Variants in SLCO6A1 observed in about 807,000 individuals in gnomAD.
SLCO6A1 encodes the protein cancer/testis antigen 48.
SLCO6A1 carries 65 observed loss-of-function variants against 72.7 expected under a neutral mutation model. The ratio of observed to expected loss-of-function variants is 0.89; its 90% CI spans 0.73 to 1.10. The LOEUF is 1.10. Ranked by LOEUF, SLCO6A1 falls within the 50% of genes least tolerant of loss-of-function variation. The pLI, the probability that SLCO6A1 is intolerant of heterozygous loss-of-function variation, is 0.00. For synonymous variants in SLCO6A1, 314 were observed against 298.2 expected, an observed-to-expected ratio of 1.05 and a Z score of -0.55; for missense variants, 874 against 872.6, an observed-to-expected ratio of 1.00 and a Z score of -0.02.
intron 4 of SLCO6A1, among the ~76,000 whole-genome samples, chr5:102,463,723 C>T (rs942392620): frequency 6.6e-6 from 1 of 151,848 alleles, no homozygotes; most frequent in Non-Finnish European, 1.5e-5. Flanking sequence ...CCCATCTCTA[C>T]TGAAAACACA....
At chr5:102,456,400 C>G (rs1331778261) in intron 6 of SLCO6A1, among the ~76,000 whole-genome samples, 1 of 152,298 alleles carries the variant, frequency 6.6e-6, no homozygotes, top group African/African-American at 2.4e-5. Context: ...TAAGCAACTT[C>G]AGCAAAGTCT....
chr5:102,474,547 C>T (rs1410429912), intron 4 of SLCO6A1, among the ~76,000 whole-genome samples: 1 of 151,936 alleles, frequency 6.6e-6, no homozygotes, highest in Non-Finnish European at 1.5e-5. Context: ...ACCAAAAGCC[C>T]AGGCAGCAAA....
In SLCO6A1 at chr5:102,372,045, T is replaced by A. The variant is rs571827482; in HGVS notation, c.*94A>T. 6.6e-6 allele frequency: 1 copy of A among 152,154 alleles called. No individual in the cohort carries two copies. The highest frequency in any genetic ancestry group is 2.1e-4 in the South Asian group (1 of 4,826). The allele number at this position is 152,154 out of a possible 1,614,324, so 9.4% of individuals were successfully genotyped here. On this transcript the variant is annotated 3_prime_UTR_variant, in exon 14 of 14. Coordinates refer to ENST00000506729, the MANE Select transcript of SLCO6A1 (RefSeq NM_173488.5). ...TGTGTGATTTTCCTCTTCTGAAAGT[T>A]GGGCACAGAAACAAATCTTGGAGAA...
intron 4 of SLCO6A1, among the ~76,000 whole-genome samples, 189 bp from the exon 5 acceptor site, chr5:102,459,966 A>C (rs540615587): frequency 6.6e-6 from 1 of 152,090 alleles, no homozygotes; most frequent in African/African-American, 2.4e-5. Flanking sequence ...TGAGTCCCCA[A>C]TTATGTGCTT....
intron 3 of SLCO6A1, among the ~76,000 whole-genome samples, chr5:102,476,346 GC>G (rs2112816176): frequency 6.6e-6 from 1 of 152,288 alleles, no homozygotes; most frequent in Non-Finnish European, 1.5e-5. Context: ...TGTAGGGCAG[GC>G]CAGCAGGCTG....
rs555358804 is a variant in SLCO6A1 at position 102,373,567 on chromosome 5, A to G, written c.2018-73T>C. The G allele has an allele frequency of 1.5e-4, 163 of 1,113,088 alleles. No homozygotes were observed. The South Asian group carries it at 4.3e-3, about 29-fold the overall frequency. The allele number at this position is 1,113,088 out of a possible 1,614,324, so 69.0% of individuals were successfully genotyped here. Reference sequence around the variant, plus strand: ...AAAAATGTAGGCAAAAATGCTATTTACCAAAGAAAGGTAAGCATATTTCAC... The same window carrying G: ...AAAAATGTAGGCAAAAATGCTATTTGCCAAAGAAAGGTAAGCATATTTCAC... On this transcript the variant is annotated intron_variant, in intron 12 of 13. Coordinates refer to ENST00000506729, the MANE Select transcript of SLCO6A1 (RefSeq NM_173488.5).
At chr5:102,375,694 G>T (rs62369304) in intron 12 of SLCO6A1, among the ~76,000 whole-genome samples, 39,055 of 151,896 alleles carry the variant, frequency 0.26, 5,050 homozygotes, top group South Asian at 0.29. Context: ...GAAGAAATGA[G>T]AAATTTTCAG....
chr5:102,498,370 G>C, intron 1 of SLCO6A1, 117 bp downstream of exon 1: 1 of 972,598 alleles, frequency 1.0e-6, no homozygotes, highest in East Asian at 2.5e-5. Context: ...CTCAGGCTGG[G>C]CCACCCCAGG....
chr5:102,397,597 C>T (rs902297196), intron 10 of SLCO6A1, among the ~76,000 whole-genome samples: 1 of 152,152 alleles, frequency 6.6e-6, no homozygotes, highest in African/African-American at 2.4e-5. Context: ...CTCCTTCTTT[C>T]CTGAGAGATT....
chr5:102,474,341 A>G (rs1013436767), intron 4 of SLCO6A1, among the ~76,000 whole-genome samples: 1 of 152,008 alleles, frequency 6.6e-6, no homozygotes, highest in Admixed American at 6.6e-5. Context: ...ATTGTCTTCA[A>G]AAAACAGTGT....
At chr5:102,480,461 A>G (rs774386592) in intron 1 of SLCO6A1, 27 bp from the exon 2 acceptor site, 1 of 1,585,708 alleles carries the variant, frequency 6.3e-7, no homozygotes, top group Non-Finnish European at 8.6e-7. Context: ...AAAAGAGAAA[A>G]CAACGATATG....
intron 1 of SLCO6A1, among the ~76,000 whole-genome samples, chr5:102,488,684 T>G (rs1752545512): frequency 6.6e-6 from 1 of 152,202 alleles, no homozygotes; most frequent in Admixed American, 6.5e-5. Flanking sequence ...TTCAGTCAAT[T>G]TAATTTAAGC....
intron 11 of SLCO6A1, among the ~76,000 whole-genome samples, chr5:102,389,647 T>C (rs1425672610): frequency 6.6e-6 from 1 of 152,104 alleles, no homozygotes; most frequent in Non-Finnish European, 1.5e-5. Context: ...TACTCAAGTT[T>C]AAAAAACAAT....
At chr5:102,492,078 T>C (rs531263424) in intron 1 of SLCO6A1, among the ~76,000 whole-genome samples, 1 of 152,030 alleles carries the variant, frequency 6.6e-6, no homozygotes, top group Non-Finnish European at 1.5e-5. Context: ...CAACCAGATC[T>C]CTTGAGAACT....
intron 7 of SLCO6A1, among the ~76,000 whole-genome samples, chr5:102,437,383 A>C (rs972205540): frequency 2.6e-5 from 4 of 152,164 alleles, no homozygotes; most frequent in Non-Finnish European, 5.9e-5. Flanking sequence ...TTTAAGATAG[A>C]CCTTGATGGC....
chr5:102,376,970 C>T (rs1048081109), intron 12 of SLCO6A1, among the ~76,000 whole-genome samples: 8 of 152,048 alleles, frequency 5.3e-5, no homozygotes, highest in African/African-American at 1.7e-4. Flanking sequence ...TCAAGATCAG[C>T]CTGGGCAACA....
At chr5:102,409,123 A>C (rs887696029) in intron 9 of SLCO6A1, among the ~76,000 whole-genome samples, 1 of 152,274 alleles carries the variant, frequency 6.6e-6, no homozygotes, top group South Asian at 2.1e-4. Context: ...CATGGATAAG[A>C]AGAATACGTG....
intron 6 of SLCO6A1, among the ~76,000 whole-genome samples, chr5:102,456,759 G>C (rs985236592): frequency 1.3e-5 from 2 of 151,986 alleles, no homozygotes; most frequent in African/African-American, 4.8e-5. Context: ...CTACTTTAAA[G>C]TTCATATGGA....
At chr5:102,411,813 C>A (rs753054262) in intron 9 of SLCO6A1, among the ~76,000 whole-genome samples, 13 of 152,094 alleles carry the variant, frequency 8.5e-5, no homozygotes, top group African/African-American at 2.4e-5. Flanking sequence ...AATGGCCCTG[C>A]AAAGCAGTCC....
Sources: allele counts gnomAD v4.1 joint callset (sites outside exome capture counted in the v4.1 genomes callset), GRCh38; gene constraint gnomAD v4.1.1; transcripts MANE v1.5; gene names NCBI Gene and HGNC (gene_info 2026-07-23, HGNC 2026-07-21).